FHL3: variants seen among roughly 807,000 people sequenced by gnomAD.
The protein encoded by FHL3 is four and a half LIM domains protein 3.
In FHL3, 21 loss-of-function variants were observed where a neutral mutation model predicts 34.3. The ratio of observed to expected loss-of-function variants is 0.61; its 90% confidence interval spans 0.43 to 0.88. The LOEUF (loss-of-function observed/expected upper bound fraction) is 0.88, where lower values mean the gene tolerates loss of function less well. Among genes scored for constraint, FHL3 ranks in the 40% least tolerant of loss-of-function variants. The pLI is 0.00. For missense variants in FHL3, 333 were observed against 373.7 expected (o/e 0.89, Z 0.90); for synonymous variants, 137 against 144.6 (o/e 0.95, Z 0.38).
In FHL3 at chr1:37,999,020, A is replaced by C. The variant is rs1646565186; in HGVS notation, c.285T>G (p.Ser95Arg). The C allele has an allele frequency of 6.2e-7, 1 of 1,614,148 alleles. No homozygotes were observed. The highest frequency in any genetic ancestry group is 1.3e-5 in the African/African-American group (1 of 74,950). ...SELLCNDCYCSAFSSQCSACG... is the reference protein window; with the variant it reads ...SELLCNDCYCRAFSSQCSACG... Reference sequence around the variant, plus strand: ...AAGCGGAGCACTGCGAGGAAAACGCACTGCAGTAGCAGTCATTGCAGAGCA... The same window carrying C: ...AAGCGGAGCACTGCGAGGAAAACGCCCTGCAGTAGCAGTCATTGCAGAGCA... Residue 95 changes from serine (S) to arginine (R), a missense_variant, in exon 3 of 6, where the codon AGT (serine) becomes AGG (arginine). Physicochemically the swap from Ser to Arg is moderately radical, Grantham distance 110. Transcript: ENST00000373016.
At position 37,999,308 on chromosome 1, in the gene FHL3, G is replaced by T. The variant is rs770224462; in HGVS notation, c.105C>A (p.Thr35=). The change falls in exon 2 of 6, where the codon ACC becomes ACA. Residue 35 remains threonine, a synonymous_variant. Coordinates refer to ENST00000373016, the MANE Select transcript of FHL3 (RefSeq NM_004468.5). ...GPYCVPCYDN[T]FANTCAECQQ... ...GGCACTCAGCACAGGTGTTGGCAAA[G>T]GTATTGTCATAGCAGGGCACACAGT... is the stretch of plus-strand genomic sequence containing the variant. 4 of 1,614,122 alleles carry T rather than the reference G, an allele frequency of 2.5e-6. No homozygotes were observed. In the African/African-American group the frequency reaches 4.0e-5, roughly 16 times the overall value.
At position 37,997,613 on chromosome 1, in the gene FHL3, A is replaced by G. The variant is rs560025614; in HGVS notation, c.689-54T>C. 3.2e-5 allele frequency: 52 copies of G among 1,612,064 alleles called. 2 individuals carry two copies. The South Asian group carries it at 5.6e-4, about 17-fold the overall frequency. ...AGATGTGGGGATGGTCCGGCCCTCA[A>G]CCTCACCCAATACCACATCCCACTC... On this transcript the variant is annotated intron_variant, in intron 5 of 5. Transcript: ENST00000373016. The surrounding 1 kb of genome is among the most constrained non-coding windows in gnomAD (Gnocchi z 4.3).
rs1646542722 is a variant in FHL3, at chr1:37,997,235, C to G, written c.*170G>C. 1.4e-6 allele frequency: 1 copy of G among 702,480 alleles called. No homozygotes were observed. Among genetic ancestry groups the G allele is most frequent in the African/African-American group, 1.8e-5 (1 of 55,914 alleles). 43.5% of individuals were successfully genotyped at this position (702,480 alleles called of 1,614,324 possible). ...TCTGTAAGAGCCCAGGTTTGGGGCCCTGGGTCAGGGAGTACCAGTTTGGGG... is the reference window on the plus strand; with the variant it reads ...TCTGTAAGAGCCCAGGTTTGGGGCCGTGGGTCAGGGAGTACCAGTTTGGGG... On this transcript the variant is annotated 3_prime_UTR_variant, in exon 6 of 6. Coordinates refer to ENST00000373016, the MANE Select transcript of FHL3 (RefSeq NM_004468.5). This position sits in a 1 kb window ranked among gnomAD's most constrained non-coding sequence, Gnocchi z 4.3.
chr1:38,001,634 G>C lies in FHL3; in HGVS notation c.-20-2202C>G, dbSNP rs1447057626. 6.6e-5 allele frequency among the ~76,000 whole-genome samples: 10 copies of C among 152,224 alleles called. No homozygotes were observed. In the South Asian group the frequency reaches 1.2e-3, roughly 19 times the overall value. On this transcript the variant is annotated intron_variant, in intron 1 of 5. Coordinates refer to ENST00000373016, the MANE Select transcript of FHL3 (RefSeq NM_004468.5). ...TTCCCTGGCAAGGCTGGGGACTGCG[G>C]GGACTGAAGGGAGCCAGCCTTGTAT...
At chr1:38,004,222 T>A (rs374992606) in intron 1 of FHL3, among the ~76,000 whole-genome samples, 2 of 152,028 alleles carry the variant, frequency 1.3e-5, no homozygotes, top group East Asian at 3.9e-4. Flanking sequence ...GAGGAACAGT[T>A]CATTCACCCT....
chr1:38,001,038 G>T (rs187004853), intron 1 of FHL3, among the ~76,000 whole-genome samples: 5 of 152,198 alleles, frequency 3.3e-5, no homozygotes, highest in Non-Finnish European at 7.3e-5. Context: ...GCTCTGGCTT[G>T]AAGTTCAGAC....
intron 3 of FHL3, 111 bp downstream of exon 3, chr1:37,998,863 G>T: frequency 9.1e-7 from 1 of 1,103,780 alleles, no homozygotes; most frequent in Non-Finnish European, 1.3e-6. Context: ...CCAGAAACAT[G>T]CTGTGTATGC....
Position 37,997,493 on chromosome 1 carries a change from G to A in FHL3, c.755C>T (p.Ala252Val). 6.2e-7 allele frequency: 1 copy of A among 1,614,080 alleles called. No individual in the cohort carries two copies. The highest frequency in any genetic ancestry group is 2.2e-5 in the East Asian group (1 of 44,854). The change falls in exon 6 of 6, where the codon GCC becomes GTC. Residue 252 changes from alanine (A) to valine (V), a missense_variant. Transcript: ENST00000373016. The surrounding 1 kb of genome is among the most constrained non-coding windows in gnomAD (Gnocchi z 4.3). The part of the protein sequence containing the change: ...RHWHHNCFSC[A>V]RCSTSLVGQG... ...GCCCACCAGGGAGGTAGAGCAGCGG[G>A]CGCAGGAGAAGCAGTTGTGGTGCCA...
Position 37,998,958 on chromosome 1 carries a change from G to A in FHL3, c.331+16C>T, listed in dbSNP as rs770858960. 3.7e-6 allele frequency: 6 copies of A among 1,610,300 alleles called. No homozygotes were observed. Among genetic ancestry groups the A allele is most frequent in the Non-Finnish European group, 4.2e-6 (5 of 1,176,880 alleles). On this transcript the variant is annotated intron_variant, in intron 3 of 5. Transcript: ENST00000373016. ...AGATGCCAGTTCTCACACAAGATGA[G>A]CCCCTGAACACATACCAGGCATGAC...
At position 37,997,840 on chromosome 1, in the gene FHL3, C is replaced by G. The variant is rs1053551861; in HGVS notation, c.532G>C (p.Asp178His). 2 of 1,613,874 alleles carry G rather than the reference C, an allele frequency of 1.2e-6. No homozygotes were observed. The highest frequency in any genetic ancestry group is 1.1e-5 in the South Asian group (1 of 91,086). Residue 178 changes from aspartate to histidine, a missense_variant, in exon 5 of 6, where the codon GAT (aspartate) becomes CAT (histidine). Transcript: ENST00000373016. The surrounding 1 kb of genome is among the most constrained non-coding windows in gnomAD (Gnocchi z 4.3). Reference protein sequence around the residue: ...TLTQGGVTYRDQPWHRECLVC... With the variant: ...TLTQGGVTYRHQPWHRECLVC... The stretch of plus-strand genomic sequence containing the variant: ...AGACATTCTCGATGCCACGGCTGAT[C>G]ACGGTATGTCACTCCACCCTGTGTC...
rs1489038601 is a variant in FHL3, at chr1:37,999,080, T to C, written c.225A>G (p.Leu75=). 6.2e-7 allele frequency: 1 copy of C among 1,614,094 alleles called. No homozygotes were observed. The highest frequency in any genetic ancestry group is 1.3e-5 in the African/African-American group (1 of 74,942). Residue 75 remains leucine (L), a synonymous_variant, in exon 3 of 6, where the codon CTA becomes CTG. Coordinates refer to ENST00000373016, the MANE Select transcript of FHL3 (RefSeq NM_004468.5). Reference sequence around the variant, plus strand: ...CCTGGCAGGTGAAGGGTTCATCGGCTAGTGAGCGCTGGCAGCGGCAGCAGC... The same window carrying C: ...CCTGGCAGGTGAAGGGTTCATCGGCCAGTGAGCGCTGGCAGCGGCAGCAGC... ...CFRCCRCQRS[L]ADEPFTCQDS...
At position 37,999,084 on chromosome 1, in the gene FHL3, G is replaced by T; in HGVS notation, c.221C>A (p.Ser74Ter). 6.2e-7 allele frequency: 1 copy of T among 1,614,220 alleles called. No homozygotes were observed. Among genetic ancestry groups the T allele is most frequent in the Non-Finnish European group, 8.5e-7 (1 of 1,180,052 alleles). The change falls in exon 3 of 6, where the codon TCA (serine) becomes TAA (stop). Residue 74 changes from serine (S) to a stop codon, truncating the protein, a stop_gained. Transcript: ENST00000373016. LOFTEE classifies it high-confidence loss of function. ...GCFRCCRCQR[S>*]LADEPFTCQD... ...GCAGGTGAAGGGTTCATCGGCTAGTGAGCGCTGGCAGCGGCAGCAGCGGAA... is the reference window on the plus strand; with the variant it reads ...GCAGGTGAAGGGTTCATCGGCTAGTTAGCGCTGGCAGCGGCAGCAGCGGAA...
intron 1 of FHL3, among the ~76,000 whole-genome samples, chr1:38,004,482 C>A (rs536963090): frequency 6.6e-6 from 1 of 151,756 alleles, no homozygotes; most frequent in Non-Finnish European, 1.5e-5. Context: ...TCTCTGCCCC[C>A]ACTTAGTCTC....
chr1:37,999,133 C>T lies in FHL3; in HGVS notation c.172G>A (p.Asp58Asn). ...GHDSRELFYEDRHFHEGCFRC... is the reference protein window; with the variant it reads ...GHDSRELFYENRHFHEGCFRC... ...AAGCAGCCCTCGTGGAAATGGCGGT[C>T]TTCATAGAACAGCTCCTGTGGGGAA... The change falls in exon 3 of 6, where the codon GAC becomes AAC. Residue 58 changes from aspartate to asparagine, a missense_variant. By Grantham distance (23) the Asp-to-Asn change is conservative. Transcript: ENST00000373016. 6.2e-7 allele frequency: 1 copy of T among 1,614,206 alleles called. No homozygotes were observed. Among genetic ancestry groups the T allele is most frequent in the South Asian group, 1.1e-5 (1 of 91,082 alleles).
In FHL3 at chr1:37,999,167, G is replaced by A. The variant is rs1570483217; in HGVS notation, c.157-19C>T. 3 of 1,614,020 alleles carry A rather than the reference G, an allele frequency of 1.9e-6. No individual in the cohort carries two copies. The highest frequency in any genetic ancestry group is 1.7e-6 in the Non-Finnish European group (2 of 1,179,912). On this transcript the variant is annotated intron_variant, in intron 2 of 5. Transcript: ENST00000373016. ...ACAGCTCCTGTGGGGAACACAGCAG[G>A]GGCACTGGCACCCAGGCCTCATGGA...
intron 3 of FHL3, among the ~76,000 whole-genome samples, chr1:37,998,452 G>A (rs1171347820): frequency 6.6e-6 from 1 of 152,080 alleles, no homozygotes; most frequent in African/African-American, 2.4e-5. Flanking sequence ...TCATATAACA[G>A]ATGTGATGAT....
intron 3 of FHL3, among the ~76,000 whole-genome samples, 179 bp from the exon 4 acceptor site, chr1:37,998,311 C>T (rs1046502323): frequency 2.0e-5 from 3 of 152,120 alleles, no homozygotes; most frequent in Admixed American, 6.5e-5. Context: ...CCCCAGACAC[C>T]GGACATGATG....
In FHL3 at chr1:37,999,397, C is replaced by T; in HGVS notation, c.16G>A (p.Asp6Asn). 6.2e-7 allele frequency: 1 copy of T among 1,614,164 alleles called. No individual in the cohort carries two copies. The highest frequency in any genetic ancestry group is 1.1e-5 in the South Asian group (1 of 91,082). MSESF[D>N]CAKCNESLYG... ...AGGGACTCGTTGCATTTTGCACAGT[C>T]AAATGACTCGCTCATGGTGGCAAGG... Residue 6 changes from aspartate (D) to asparagine (N), a missense_variant, in exon 2 of 6, where the codon GAC becomes AAC. By Grantham distance (23) the Asp-to-Asn change is conservative (BLOSUM62 1). Coordinates refer to ENST00000373016, the MANE Select transcript of FHL3 (RefSeq NM_004468.5).
Position 37,997,090 on chromosome 1 carries a change from T to G in FHL3, c.*315A>C. Reference sequence around the variant, plus strand: ...GGGCCTAAGTCCCAGAGTCCAGGTTTGGAGGGCTCGGGTCTAGAGCCCTGA... The same window carrying G: ...GGGCCTAAGTCCCAGAGTCCAGGTTGGGAGGGCTCGGGTCTAGAGCCCTGA... On this transcript the variant is annotated 3_prime_UTR_variant, in exon 6 of 6. Coordinates refer to ENST00000373016, the MANE Select transcript of FHL3 (RefSeq NM_004468.5). This position sits in a 1 kb window ranked among gnomAD's most constrained non-coding sequence, Gnocchi z 4.3. 1 of 279,426 alleles carries G rather than the reference T, an allele frequency of 3.6e-6. No homozygotes were observed. Among genetic ancestry groups the G allele is most frequent in the Non-Finnish European group, 6.8e-6 (1 of 147,064 alleles). 17.3% of individuals were successfully genotyped at this position (279,426 alleles called of 1,614,324 possible).
Sources: allele counts gnomAD v4.1 joint callset (sites outside exome capture counted in the v4.1 genomes callset), GRCh38; gene constraint gnomAD v4.1.1; non-coding constraint Gnocchi (gnomAD v3.1); transcripts MANE v1.5; gene names NCBI Gene and HGNC (gene_info 2026-07-23, HGNC 2026-07-21).